TMEM212: variants seen among roughly 807,000 people sequenced by gnomAD.
TMEM212 encodes transmembrane protein 212.
In TMEM212, 23 loss-of-function variants were observed where a neutral mutation model predicts 20.5. That is an observed-to-expected ratio of 1.12 (90% CI 0.81 to 1.59). The LOEUF is 1.59. Among genes scored for constraint, TMEM212 ranks in the 40% most tolerant of loss-of-function variants. The pLI, the probability that TMEM212 is intolerant of heterozygous loss-of-function variation, is 0.00. For missense variants in TMEM212, 211 were observed against 215.0 expected (o/e 0.98, Z 0.12); for synonymous variants, 76 against 81.6 (o/e 0.93, Z 0.37).
rs1252766624 is a variant in TMEM212 at position 171,858,738 on chromosome 3, CAA to C, written c.*682_*683del. ...AACAAATTTACAAGAAAAAAACAAA[CAA>C]CCACATCAAAAAGTAGGCAAAGGAC... is the stretch of plus-strand genomic sequence containing the variant. On this transcript the variant is annotated 3_prime_UTR_variant, in exon 5 of 5. Transcript: ENST00000334567. 196 of 151,870 alleles carry C rather than the reference CAA, an allele frequency of 1.3e-3. 1 individual carries two copies. Among genetic ancestry groups the C allele is most frequent in the African/African-American group, 4.4e-3 (183 of 41,196 alleles). 9.4% of individuals were successfully genotyped at this position (151,870 alleles called of 1,614,324 possible).
chr3:171,853,504 A>G (rs1178125011), intron 2 of TMEM212, 23 bp from the exon 3 acceptor site: 1 of 1,523,698 alleles, frequency 6.6e-7, no homozygotes, highest in South Asian at 1.2e-5. Flanking sequence ...CAAAGTAACA[A>G]TTTATTTTTG....
intron 2 of TMEM212, 148 bp from the exon 3 acceptor site, chr3:171,853,379 T>A: frequency 1.4e-6 from 1 of 692,648 alleles, no homozygotes; most frequent in South Asian, 2.1e-5. Flanking sequence ...AAAATGAAAA[T>A]ATAAAGAGAG....
chr3:171,845,604 G>A (rs1014656037), intron 1 of TMEM212, among the ~76,000 whole-genome samples: 13 of 152,146 alleles, frequency 8.5e-5, no homozygotes, highest in South Asian at 4.1e-4. Flanking sequence ...AGTTAGGCCC[G>A]GAGAAATGAT....
At chr3:171,857,908 G>A (rs1412023411) in intron 4 of TMEM212, among the ~76,000 whole-genome samples, 153 bp from the exon 5 acceptor site, 1 of 151,464 alleles carries the variant, frequency 6.6e-6, no homozygotes, top group Non-Finnish European at 1.5e-5. Context: ...GTGTTGGTGA[G>A]GATGTGGAGA....
At chr3:171,852,125 A>G (rs1724990415) in intron 2 of TMEM212, 84 bp downstream of exon 2, 2 of 1,054,370 alleles carry the variant, frequency 1.9e-6, no homozygotes, top group Admixed American at 2.1e-5. Context: ...CATAAAAAAT[A>G]TGATTTCCAA....
chr3:171,851,057 C>T (rs913479847), intron 1 of TMEM212, among the ~76,000 whole-genome samples: 4 of 152,114 alleles, frequency 2.6e-5, no homozygotes, highest in Admixed American at 2.0e-4. Flanking sequence ...TACAGTCATG[C>T]TTATTTCTCT....
rs1725169305 is a variant in TMEM212 at position 171,858,522 on chromosome 3, C to T, written c.*465C>T. ...AGGACATAGGCATGGGCAAAGACTT[C>T]ATGACTAAAACACCAAAAGCAATGG... On this transcript the variant is annotated 3_prime_UTR_variant, in exon 5 of 5. Transcript: ENST00000334567. 1 of 152,122 alleles carries T rather than the reference C, an allele frequency of 6.6e-6. No individual in the cohort carries two copies. The highest frequency in any genetic ancestry group is 1.5e-5 in the Non-Finnish European group (1 of 68,034). 9.4% of individuals were successfully genotyped at this position (152,122 alleles called of 1,614,324 possible).
At chr3:171,849,333 C>A (rs1724916254) in intron 1 of TMEM212, among the ~76,000 whole-genome samples, 1 of 152,168 alleles carries the variant, frequency 6.6e-6, no homozygotes, top group African/African-American at 2.4e-5. Flanking sequence ...TCCTTCTTGC[C>A]TAGTGTTGTA....
chr3:171,850,676 G>A (rs1448787740), intron 1 of TMEM212, among the ~76,000 whole-genome samples: 1 of 152,134 alleles, frequency 6.6e-6, no homozygotes, highest in Non-Finnish European at 1.5e-5. Context: ...TATTTATGCT[G>A]GCTCACCCTC....
At chr3:171,856,889 T>C (rs114595888) in intron 4 of TMEM212, 182 bp downstream of exon 4, 8 of 413,034 alleles carry the variant, frequency 1.9e-5, no homozygotes, top group African/African-American at 1.0e-4. Context: ...TCTAGTACTA[T>C]GAAGCTGAAG....
At chr3:171,846,467 A>T (rs1724835717) in intron 1 of TMEM212, among the ~76,000 whole-genome samples, 1 of 152,078 alleles carries the variant, frequency 6.6e-6, no homozygotes, top group East Asian at 1.9e-4. Flanking sequence ...AAGGGCAGGG[A>T]TTGTTTTTTC....
At chr3:171,853,465 G>T in intron 2 of TMEM212, 62 bp from the exon 3 acceptor site, 55 of 1,335,774 alleles carry the variant, frequency 4.1e-5, no homozygotes, top group Middle Eastern at 4.9e-4. Context: ...TCTTCATATT[G>T]CTAAGAAGCC....
intron 1 of TMEM212, among the ~76,000 whole-genome samples, chr3:171,847,054 G>T (rs748957844): frequency 6.6e-6 from 1 of 152,182 alleles, no homozygotes; most frequent in Non-Finnish European, 1.5e-5. Context: ...ACTTCATATA[G>T]ATTGGTCCTC....
chr3:171,845,737 A>G (rs987971091), intron 1 of TMEM212, among the ~76,000 whole-genome samples: 7 of 152,118 alleles, frequency 4.6e-5, no homozygotes, highest in Admixed American at 3.3e-4. Flanking sequence ...CCTGACTTTG[A>G]TGTTCTTGGT....
At position 171,847,069 on chromosome 3, in the gene TMEM212, T is replaced by G. The variant is rs899262205; in HGVS notation, c.159+3527T>G. ...ACTTCATATAGATTGGTCCTCAGAC[T>G]CCCTAGTTCCATTTTGACATTTATA... On this transcript the variant is annotated intron_variant, in intron 1 of 4. Transcript: ENST00000334567. Among the ~76,000 whole-genome samples, 3 of 152,228 alleles carry G rather than the reference T, an allele frequency of 2.0e-5. No individual in the cohort carries two copies. In the East Asian group the frequency reaches 5.8e-4, roughly 29 times the overall value.
rs1724987494 is a variant in TMEM212, at chr3:171,851,994, G to A, written c.172G>A (p.Gly58Ser). The A allele has an allele frequency of 6.5e-7, 1 of 1,536,822 alleles. No homozygotes were observed. The highest frequency in any genetic ancestry group is 1.4e-5 in the African/African-American group (1 of 72,998). The change falls in exon 2 of 5, where the codon GGT becomes AGT. Residue 58 changes from glycine (G) to serine (S), a missense_variant. Gly to Ser is a moderately conservative substitution (Grantham distance 56). Coordinates refer to ENST00000334567, the MANE Select transcript of TMEM212 (RefSeq NM_001164436.2). ...IWNGALAITTGVLLLLAYREW... is the reference protein window; with the variant it reads ...IWNGALAITTSVLLLLAYREW... ...TTTCTTGTCACAGGCCATCACAACT[G>A]GTGTGCTTCTACTGTTGGCTTACAG... is the stretch of plus-strand genomic sequence containing the variant.
chr3:171,853,254 G>A (rs1171766951), intron 2 of TMEM212, among the ~76,000 whole-genome samples: 2 of 151,638 alleles, frequency 1.3e-5, no homozygotes, highest in East Asian at 1.9e-4. Context: ...GCAGCAAATC[G>A]CTGTGGCACA....
At chr3:171,847,814 TTA>T (rs1724871934) in intron 1 of TMEM212, among the ~76,000 whole-genome samples, 1 of 151,746 alleles carries the variant, frequency 6.6e-6, no homozygotes, top group African/African-American at 2.4e-5. Context: ...ATCTGACTAG[TTA>T]TAGAGGGTGA....
chr3:171,856,647 C>G lies in TMEM212; in HGVS notation c.544-16C>G. ...AGAAGCCTTATCAAATTTGCTGTCT[C>G]TCATATGTCTTACAGATGCAACTCC... On this transcript the variant is annotated splice_polypyrimidine_tract_variant and intron_variant, in intron 3 of 4. Transcript: ENST00000334567. The G allele has an allele frequency of 1.5e-6, 1 of 682,484 alleles. No individual in the cohort carries two copies. 42.3% of individuals were successfully genotyped at this position (682,484 alleles called of 1,614,324 possible).
Sources: allele counts gnomAD v4.1 joint callset (sites outside exome capture counted in the v4.1 genomes callset), GRCh38; gene constraint gnomAD v4.1.1; transcripts MANE v1.5; gene names NCBI Gene and HGNC (gene_info 2026-07-23, HGNC 2026-07-21).